SGF29: variants seen among roughly 807,000 people sequenced by gnomAD.
SGF29 encodes SAGA-associated factor 29.
SGF29 carries 15 observed loss-of-function variants against 38.1 expected under a neutral mutation model. The observed-to-expected ratio is 0.39, with a 90% CI of 0.26 to 0.61. The LOEUF (loss-of-function observed/expected upper bound fraction) is 0.61. Ranked by LOEUF, SGF29 falls within the 20% of genes least tolerant of loss-of-function variation. SGF29 has a pLI of 0.49. For synonymous variants in SGF29, 151 were observed against 160.8 expected, an observed-to-expected ratio of 0.94 and a Z score of 0.46; for missense variants, 184 against 394.6, an observed-to-expected ratio of 0.47 and a Z score of 4.52.
In SGF29 at chr16:28,590,586, C is replaced by T; in HGVS notation, c.567-45C>T. 4.3e-6 allele frequency: 7 copies of T among 1,612,838 alleles called. No individual in the cohort carries two copies. Among genetic ancestry groups the T allele is most frequent in the African/African-American group, 1.3e-5 (1 of 75,014 alleles). ...CCCCATCCTCACTCCCCAACAGGTACTGCGCCCCTGGCTGCATCCAGCCTT... is the reference window on the plus strand; with the variant it reads ...CCCCATCCTCACTCCCCAACAGGTATTGCGCCCCTGGCTGCATCCAGCCTT... On this transcript the variant is annotated intron_variant, in intron 7 of 9. Coordinates refer to ENST00000317058, the MANE Select transcript of SGF29 (RefSeq NM_138414.3). This position sits in a 1 kb window ranked among gnomAD's most constrained non-coding sequence, Gnocchi z 8.2.
In SGF29 at chr16:28,572,252, AG is replaced by A. The variant is rs1277768895; in HGVS notation, c.-15-8801del. Among the ~76,000 whole-genome samples the A allele has an allele frequency of 2.6e-5, 4 of 151,834 alleles. No homozygotes were observed. The East Asian group carries it at 7.8e-4, about 29-fold the overall frequency. ...CAGCCTCCCTAAGTGCTGGGATTAC[AG>A]GCGTGAGCCACTGCGCCCGGCCCTT... On this transcript the variant is annotated intron_variant, in intron 1 of 9. Transcript: ENST00000317058.
In SGF29 at chr16:28,564,691, A is replaced by ATATACGTATATATATGTG. The variant is rs1169020190; in HGVS notation, c.-16+10598_-16+10599insCGTATATATATGTGTATA. Among the ~76,000 whole-genome samples, 221 of 88,926 alleles carry ATATACGTATATATATGTG rather than the reference A, an allele frequency of 2.5e-3. 7 individuals are homozygous for ATATACGTATATATATGTG. The highest frequency in any genetic ancestry group is 4.3e-3 in the Non-Finnish European group (191 of 44,322). 58.3% of individuals were successfully genotyped at this position (88,926 alleles called of 152,430 possible). On this transcript the variant is annotated intron_variant, in intron 1 of 9. Coordinates refer to ENST00000317058, the MANE Select transcript of SGF29 (RefSeq NM_138414.3). ...CATATATATGTATATATATGTGTAT[A>ATATACGTATATATATGTG]TATATGTATATATATACATATATAT...
intron 1 of SGF29, among the ~76,000 whole-genome samples, chr16:28,555,601 C>T (rs544147623): frequency 6.6e-6 from 1 of 152,280 alleles, no homozygotes; most frequent in East Asian, 1.9e-4. Context: ...GATTGGGTGA[C>T]ACTATTATAG....
intron 3 of SGF29, 59 bp downstream of exon 3, chr16:28,585,047 A>G (rs2046949036): frequency 1.5e-6 from 2 of 1,331,600 alleles, no homozygotes; most frequent in Non-Finnish European, 2.1e-6. Flanking sequence ...GAGTATGGCC[A>G]AGACTGTGAC....
At chr16:28,563,892 G>A (rs1358910674) in intron 1 of SGF29, among the ~76,000 whole-genome samples, 3 of 151,774 alleles carry the variant, frequency 2.0e-5, no homozygotes, top group East Asian at 1.9e-4. Context: ...GACTACAGGC[G>A]CACACCACCA....
In SGF29 at chr16:28,590,433, C is replaced by T; in HGVS notation, c.557C>T (p.Ala186Val). Residue 186 changes from alanine to valine, a missense_variant, in exon 7 of 10, where the codon GCC becomes GTC. Transcript: ENST00000317058. This position sits in a 1 kb window ranked among gnomAD's most constrained non-coding sequence, Gnocchi z 8.2. Reference sequence around the variant, plus strand: ...GCCGAGGTGGTCAGTTACAGCCATGCCACCAACAAGTGAGTGACACCAACC... The same window carrying T: ...GCCGAGGTGGTCAGTTACAGCCATGTCACCAACAAGTGAGTGACACCAACC... ...ILAEVVSYSH[A>V]TNKYEVDDID... 6.2e-7 allele frequency: 1 copy of T among 1,613,896 alleles called. No homozygotes were observed. Among genetic ancestry groups the T allele is most frequent in the Non-Finnish European group, 8.5e-7 (1 of 1,179,834 alleles).
chr16:28,578,398 A>G (rs11641853), intron 1 of SGF29, among the ~76,000 whole-genome samples: 15,581 of 152,088 alleles, frequency 0.1, 917 homozygotes, highest in Middle Eastern at 0.18. Context: ...ACAAGGGCCC[A>G]TGCTCATCTT....
intron 1 of SGF29, among the ~76,000 whole-genome samples, chr16:28,566,992 A>G (rs907406008): frequency 1.3e-5 from 2 of 152,144 alleles, no homozygotes; most frequent in African/African-American, 2.4e-5. Flanking sequence ...TTTAAAGTAC[A>G]TTCAATTATA....
chr16:28,582,119 C>G (rs979589562), intron 2 of SGF29, among the ~76,000 whole-genome samples: 1 of 152,098 alleles, frequency 6.6e-6, no homozygotes, highest in Non-Finnish European at 1.5e-5. Context: ...GGAGTAGATC[C>G]CAGAAATTCC....
chr16:28,557,827 T>C (rs1043960747), intron 1 of SGF29, among the ~76,000 whole-genome samples: 1 of 152,166 alleles, frequency 6.6e-6, no homozygotes, highest in African/African-American at 2.4e-5. Flanking sequence ...GATTATCCTA[T>C]ATTGTGACAG....
intron 1 of SGF29, among the ~76,000 whole-genome samples, chr16:28,566,869 C>T (rs1458099133): frequency 6.6e-6 from 1 of 152,058 alleles, no homozygotes; most frequent in Non-Finnish European, 1.5e-5. Context: ...CAGGTTTCAC[C>T]ATGTTGGCCA....
At chr16:28,591,075 C>A in intron 9 of SGF29, 140 bp downstream of exon 9, 1 of 1,110,484 alleles carries the variant, frequency 9.0e-7, no homozygotes, top group Non-Finnish European at 1.2e-6. Flanking sequence ...GCTGCCCTCC[C>A]TCTTCCACTC....
chr16:28,570,152 G>A (rs2046856743), intron 1 of SGF29, among the ~76,000 whole-genome samples: 1 of 152,206 alleles, frequency 6.6e-6, no homozygotes, highest in Non-Finnish European at 1.5e-5. Context: ...GCCTGGGAGA[G>A]CCACAGGCAT....
chr16:28,578,979 G>T (rs2046910470), intron 1 of SGF29, among the ~76,000 whole-genome samples: 1 of 151,944 alleles, frequency 6.6e-6, no homozygotes, highest in Non-Finnish European at 1.5e-5. Context: ...TAGAGACAGG[G>T]TCTTGCTGTA....
At chr16:28,582,450 G>A (rs2046931799) in intron 2 of SGF29, among the ~76,000 whole-genome samples, 1 of 152,094 alleles carries the variant, frequency 6.6e-6, no homozygotes, top group African/African-American at 2.4e-5. Context: ...ACCATCATGG[G>A]GATGGATGTA....
intron 2 of SGF29, among the ~76,000 whole-genome samples, chr16:28,584,517 C>T (rs568374917): frequency 6.6e-6 from 1 of 152,004 alleles, no homozygotes; most frequent in East Asian, 2.0e-4. Context: ...AGGCCGGGCG[C>T]ATTGGCTTAC....
At position 28,590,561 on chromosome 16, in the gene SGF29, C is replaced by T; in HGVS notation, c.567-70C>T. 1 of 1,612,116 alleles carries T rather than the reference C, an allele frequency of 6.2e-7. No homozygotes were observed. The highest frequency in any genetic ancestry group is 8.5e-7 in the Non-Finnish European group (1 of 1,179,248). ...GTTGTGCAGGGAGCACCAGGTCCTC[C>T]CCCATCCTCACTCCCCAACAGGTAC... On this transcript the variant is annotated intron_variant, in intron 7 of 9. Transcript: ENST00000317058. This position sits in a 1 kb window ranked among gnomAD's most constrained non-coding sequence, Gnocchi z 8.2.
chr16:28,566,090 G>A (rs1002144310), intron 1 of SGF29, among the ~76,000 whole-genome samples: 26 of 151,254 alleles, frequency 1.7e-4, no homozygotes, highest in African/African-American at 5.6e-4. Context: ...TGGCTAACAC[G>A]GTGAAACCCC....
chr16:28,556,671 G>A (rs2151640040), intron 1 of SGF29, among the ~76,000 whole-genome samples: 1 of 151,280 alleles, frequency 6.6e-6, no homozygotes, highest in East Asian at 2.0e-4. Flanking sequence ...TTAGAAACAA[G>A]GTCTTACTCT....
Sources: allele counts gnomAD v4.1 joint callset (sites outside exome capture counted in the v4.1 genomes callset), GRCh38; gene constraint gnomAD v4.1.1; non-coding constraint Gnocchi (gnomAD v3.1); transcripts MANE v1.5; gene names NCBI Gene and HGNC (gene_info 2026-07-23, HGNC 2026-07-21).